Variants in VRK2 observed in about 807,000 individuals in gnomAD.
VRK2 encodes VRK serine/threonine kinase 2.
Under a neutral mutation model 57.6 loss-of-function variants are expected in VRK2, and 60 were observed. That is an observed-to-expected ratio of 1.04 (90% CI 0.85 to 1.29). The LOEUF (loss-of-function observed/expected upper bound fraction) is 1.29. VRK2 is among the 50% of genes most tolerant of loss of function. The pLI, the probability that VRK2 is intolerant of heterozygous loss-of-function variation, is 0.00. For missense variants in VRK2, 705 were observed against 588.1 expected (o/e 1.20, Z -2.06); for synonymous variants, 231 against 199.2 (o/e 1.16, Z -1.35).
At chr2:58,041,122 A>G in intron 3 of VRK2, 1 of 961,800 alleles carries the variant, frequency 1.0e-6, no homozygotes, top group Non-Finnish European at 1.2e-6. Flanking sequence ...TTAACCTTTT[A>G]TGGTGCTCGT....
chr2:57,979,257 G>A (rs552030480), intron 1 of VRK2, among the ~76,000 whole-genome samples: 1 of 151,108 alleles, frequency 6.6e-6, no homozygotes, highest in Non-Finnish European at 1.5e-5. Flanking sequence ...TTCCACAATG[G>A]TCGAAGTAAT....
At chr2:57,997,006 T>C (rs994979078) in intron 1 of VRK2, among the ~76,000 whole-genome samples, 2 of 152,092 alleles carry the variant, frequency 1.3e-5, no homozygotes, top group African/African-American at 4.8e-5. Flanking sequence ...ATGGCTAATG[T>C]GTTGCTTACC....
chr2:58,147,591 C>T (rs1682353001), intron 12 of VRK2, among the ~76,000 whole-genome samples: 1 of 151,744 alleles, frequency 6.6e-6, no homozygotes, highest in African/African-American at 2.4e-5. Flanking sequence ...AAATTGATTC[C>T]TTTTTGGCTG....
chr2:58,113,586 G>C (rs1002953500), intron 7 of VRK2, among the ~76,000 whole-genome samples: 8 of 152,120 alleles, frequency 5.3e-5, no homozygotes, highest in Admixed American at 2.6e-4. Context: ...GGAAGGTAAT[G>C]GAAAATTACA....
In VRK2 at chr2:57,996,123, C is replaced by CT. The variant is rs149132062; in HGVS notation, c.-438-29541dup. On this transcript the variant is annotated intron_variant, in intron 1 of 15. Coordinates refer to the VRK2 transcript ENST00000417641. ...GATGTGCATAAGTTATATGCAAATA[C>CT]TATGCCATTTTATACAAGGGACTTA... Among the ~76,000 whole-genome samples the CT allele has an allele frequency of 3.5e-4, 54 of 152,250 alleles. 1 individual carries two copies. The South Asian group carries it at 0.01, about 29-fold the overall frequency.
At chr2:57,923,227 G>T (rs1670413556) in intron 1 of VRK2, among the ~76,000 whole-genome samples, 1 of 151,910 alleles carries the variant, frequency 6.6e-6, no homozygotes, top group Non-Finnish European at 1.5e-5. Context: ...TATTCTTTGG[G>T]ATATATACCT....
chr2:58,082,365 G>C (rs1671013800), intron 2 of VRK2, among the ~76,000 whole-genome samples: 1 of 151,738 alleles, frequency 6.6e-6, no homozygotes, highest in African/African-American at 2.4e-5. Context: ...ATTCTGTTGG[G>C]CTTAAAGATT....
chr2:57,958,124 AT>A (rs1193287279), intron 1 of VRK2, among the ~76,000 whole-genome samples: 2 of 152,298 alleles, frequency 1.3e-5, no homozygotes, highest in African/African-American at 4.8e-5. Flanking sequence ...TTATAAATCA[AT>A]AAAATCAGAT....
chr2:57,926,246 T>C (rs779847066), intron 1 of VRK2, among the ~76,000 whole-genome samples: 1 of 151,956 alleles, frequency 6.6e-6, no homozygotes, highest in Non-Finnish European at 1.5e-5. Flanking sequence ...GTCATCTTGT[T>C]CTATAGTGCA....
chr2:58,149,168 T>C (rs1682621594), intron 12 of VRK2, among the ~76,000 whole-genome samples: 1 of 151,816 alleles, frequency 6.6e-6, no homozygotes, highest in Non-Finnish European at 1.5e-5. Context: ...TCTGCATTTA[T>C]GTGCATTTTC....
intron 1 of VRK2, among the ~76,000 whole-genome samples, chr2:58,022,656 A>G (rs1673794805): frequency 6.6e-6 from 1 of 152,204 alleles, no homozygotes; most frequent in Non-Finnish European, 1.5e-5. Flanking sequence ...TGGGCAGATC[A>G]CTTGAGCAGA....
intron 7 of VRK2, among the ~76,000 whole-genome samples, chr2:58,121,049 G>A (rs1677429590): frequency 6.6e-6 from 1 of 152,286 alleles, no homozygotes; most frequent in East Asian, 1.9e-4. Flanking sequence ...CAGTGATTGA[G>A]AGTAAAAGCT....
intron 1 of VRK2, among the ~76,000 whole-genome samples, chr2:57,976,005 G>C (rs1429673152): frequency 3.9e-5 from 6 of 152,048 alleles, no homozygotes; most frequent in Non-Finnish European, 7.4e-5. Flanking sequence ...TTATAAGTGA[G>C]AGCATGTGGT....
intron 1 of VRK2, among the ~76,000 whole-genome samples, chr2:57,959,287 T>C (rs1671681869): frequency 6.6e-6 from 1 of 152,212 alleles, no homozygotes; most frequent in African/African-American, 2.4e-5. Flanking sequence ...CTTATCATTC[T>C]TTCGGAAACA....
intron 12 of VRK2, among the ~76,000 whole-genome samples, chr2:58,148,953 CA>C (rs902443361): frequency 1.3e-5 from 2 of 151,700 alleles, no homozygotes; most frequent in Non-Finnish European, 3.0e-5. Flanking sequence ...TATTTTCTTT[CA>C]AAAATGTATT....
chr2:58,041,082 A>G (rs1455224004), intron 3 of VRK2: 1 of 984,234 alleles, frequency 1.0e-6, no homozygotes, highest in Non-Finnish European at 1.2e-6. Context: ...GGGGGGAAAA[A>G]GGATGTAGAG....
chr2:58,076,908 C>G (rs1670195668), intron 2 of VRK2, among the ~76,000 whole-genome samples: 1 of 151,756 alleles, frequency 6.6e-6, no homozygotes, highest in Admixed American at 6.6e-5. Context: ...TCCATATTCT[C>G]TACTCGACTG....
intron 7 of VRK2, among the ~76,000 whole-genome samples, chr2:58,109,557 T>C (rs74438222): frequency 1.3e-5 from 2 of 152,130 alleles, no homozygotes; most frequent in African/African-American, 2.4e-5. Flanking sequence ...GAAGCAAATA[T>C]GTCCTTCTTC....
intron 7 of VRK2, among the ~76,000 whole-genome samples, chr2:58,116,591 G>A (rs1341955833): frequency 6.6e-6 from 1 of 152,140 alleles, no homozygotes; most frequent in Non-Finnish European, 1.5e-5. Flanking sequence ...TGATTAAGAA[G>A]GGGACGGACT....
Sources: gnomAD v4.1 joint callset for allele counts (sites outside exome capture counted in the v4.1 genomes callset) on GRCh38, gnomAD v4.1.1 for gene constraint, MANE v1.5 for transcripts, NCBI Gene and HGNC (gene_info 2026-07-23, HGNC 2026-07-21) for gene names.